STRC: variants seen among roughly 807,000 people sequenced by gnomAD.
STRC encodes the protein stereocilin.
In STRC, 43 loss-of-function variants were observed where a neutral mutation model predicts 103.5. The ratio of observed to expected loss-of-function variants is 0.42; its 90% CI spans 0.33 to 0.54. STRC has a LOEUF of 0.54. STRC is among the 20% of genes least tolerant of loss of function. STRC has a pLI of 0.14. For synonymous variants in STRC, 186 were observed against 442.3 expected, an observed-to-expected ratio of 0.42 and a Z score of 7.27; for missense variants, 499 against 1,088.5, an observed-to-expected ratio of 0.46 and a Z score of 7.62.
chr15:43,600,387 A>G (rs2085655380), intron 26 of STRC, 94 bp from the exon 27 acceptor site: 6 of 1,189,648 alleles, frequency 5.0e-6, no homozygotes, highest in Non-Finnish European at 7.3e-6. Flanking sequence ...AAAGTGCCCT[A>G]TCATAGACCT....
In STRC at chr15:43,603,984, G is replaced by C; in HGVS notation, c.4375+12C>G. 1 of 1,612,728 alleles carries C rather than the reference G, an allele frequency of 6.2e-7. No individual in the cohort carries two copies. Among genetic ancestry groups the C allele is most frequent in the Non-Finnish European group, 8.5e-7 (1 of 1,179,516 alleles). Reference sequence around the variant, plus strand: ...CATCCTGCTGGACATATAAGTATTTGGGTAGTTTCACCTGGAAGATCCTCA... The same window carrying C: ...CATCCTGCTGGACATATAAGTATTTCGGTAGTTTCACCTGGAAGATCCTCA... On this transcript the variant is annotated intron_variant, in intron 22 of 28. Transcript: ENST00000450892.
intron 19 of STRC, 132 bp downstream of exon 19, chr15:43,605,132 C>T: frequency 6.5e-7 from 1 of 1,536,732 alleles, no homozygotes. Context: ...AGGGGCCAGG[C>T]CTTGTAGACA....
rs965709421 is a variant in STRC, at chr15:43,601,314, T to A, written c.4701+82A>T. 4 of 1,598,156 alleles carry A rather than the reference T, an allele frequency of 2.5e-6. No homozygotes were observed. The Admixed American group carries it at 6.7e-5, about 27-fold the overall frequency. ...ACCAGGTAGGGTCACAGGAAAAAAATTCCTTGGGCTTTAGATGATCTATAG... is the reference window on the plus strand; with the variant it reads ...ACCAGGTAGGGTCACAGGAAAAAAAATCCTTGGGCTTTAGATGATCTATAG... On this transcript the variant is annotated intron_variant, in intron 24 of 28. Coordinates refer to ENST00000450892, the MANE Select transcript of STRC (RefSeq NM_153700.2).
chr15:43,611,010 G>C (rs749369461), intron 13 of STRC, 26 bp from the exon 14 acceptor site: 1 of 1,610,692 alleles, frequency 6.2e-7, no homozygotes, highest in Non-Finnish European at 8.5e-7. Flanking sequence ...TTGTGTGTGT[G>C]TGTGTGTGTG....
In STRC at chr15:43,600,877, C is replaced by G. The variant is rs776251331; in HGVS notation, c.4839G>C (p.Glu1613Asp). Residue 1613 changes from glutamate (E) to aspartate (D), a missense_variant, in exon 25 of 29, where the codon GAG becomes GAC. Transcript: ENST00000450892. ...TCAGCCCCTTCACAAATGACCTGAACTCCCAACTGCTGATGTGCTGGAGCT... is the reference window on the plus strand; with the variant it reads ...TCAGCCCCTTCACAAATGACCTGAAGTCCCAACTGCTGATGTGCTGGAGCT... ...PEELQHISSWEFSQAALFLGT... is the reference protein window; with the variant it reads ...PEELQHISSWDFSQAALFLGT... 1 of 1,613,358 alleles carries G rather than the reference C, an allele frequency of 6.2e-7. No individual in the cohort carries two copies. The highest frequency in any genetic ancestry group is 1.3e-5 in the African/African-American group (1 of 74,722).
intron 15 of STRC, 140 bp from the exon 16 acceptor site, chr15:43,609,474 A>C: frequency 1.4e-6 from 1 of 728,894 alleles, no homozygotes; most frequent in Non-Finnish European, 2.4e-6. Flanking sequence ...ACTCTCCCAG[A>C]TGCCCACTCT....
chr15:43,603,575 A>G (rs1328194672), intron 22 of STRC, 164 bp from the exon 23 acceptor site: 7 of 800,188 alleles, frequency 8.7e-6, no homozygotes, highest in Non-Finnish European at 1.3e-5. Context: ...TTAGGAGATA[A>G]TAGAACAAGA....
chr15:43,601,490 A>G lies in STRC; in HGVS notation c.4607T>C (p.Ile1536Thr). ...EQILQLGRLL[I>T]GLGDRELQEL... ...CTGTAGTTCCCGATCTCCTAGACCT[A>G]TTAAGAGCCTACCAAGCTGCAGGAT... is the stretch of plus-strand genomic sequence containing the variant. The change falls in exon 24 of 29, where the codon ATA becomes ACA. Residue 1536 changes from isoleucine to threonine, a missense_variant. By Grantham distance (89) the Ile-to-Thr change is moderately conservative. Coordinates refer to ENST00000450892, the MANE Select transcript of STRC (RefSeq NM_153700.2). 1 of 1,613,792 alleles carries G rather than the reference A, an allele frequency of 6.2e-7. No homozygotes were observed. The highest frequency in any genetic ancestry group is 8.5e-7 in the Non-Finnish European group (1 of 1,179,856).
In STRC at chr15:43,604,414, C is replaced by T. The variant is rs1267115239; in HGVS notation, c.4165G>A (p.Ala1389Thr). 3 of 1,586,384 alleles carry T rather than the reference C, an allele frequency of 1.9e-6. No homozygotes were observed. The highest frequency in any genetic ancestry group is 2.6e-6 in the Non-Finnish European group (3 of 1,163,086). Residue 1389 changes from alanine to threonine, a missense_variant, in exon 21 of 29, where the codon GCT becomes ACT. Transcript: ENST00000450892. ...ELWSQDEVEQAGRLVFTLSTE... is the reference protein window; with the variant it reads ...ELWSQDEVEQTGRLVFTLSTE... ...GACAGAGTGAATACTAGGCGTCCAGCTTGCTCTACTTCATCCTGGCTCCAC... is the reference window on the plus strand; with the variant it reads ...GACAGAGTGAATACTAGGCGTCCAGTTTGCTCTACTTCATCCTGGCTCCAC...
At position 43,604,735 on chromosome 15, in the gene STRC, G is replaced by A. The variant is rs776460714; in HGVS notation, c.4042C>T (p.His1348Tyr). The A allele has an allele frequency of 8.1e-6, 13 of 1,613,538 alleles. No individual in the cohort carries two copies. The Admixed American group carries it at 1.2e-4, about 14-fold the overall frequency. Residue 1348 changes from histidine to tyrosine, a missense_variant, in exon 20 of 29, where the codon CAT becomes TAT. His to Tyr is a moderately conservative substitution (Grantham distance 83). Coordinates refer to ENST00000450892, the MANE Select transcript of STRC (RefSeq NM_153700.2). Reference sequence around the variant, plus strand: ...CAGAAGCCTTGCAGCTGACTGAGATGGGACAGCAGGATCTGTAGGGGGATC... The same window carrying A: ...CAGAAGCCTTGCAGCTGACTGAGATAGGACAGCAGGATCTGTAGGGGGATC... ...RQIPLQILLS[H>Y]LSQLQGFCLG...
chr15:43,600,677 G>T lies in STRC; in HGVS notation c.4850C>A (p.Ala1617Glu). 1 of 1,613,538 alleles carries T rather than the reference G, an allele frequency of 6.2e-7. No individual in the cohort carries two copies. The highest frequency in any genetic ancestry group is 8.5e-7 in the Non-Finnish European group (1 of 1,179,802). ...QHISSWEFSQ[A>E]ALFLGTLHLQ... Reference sequence around the variant, plus strand: ...ATGCAGGGTGCCGAGGAAGAGAGCTGCTTGGCTGTAGAACAGTAGGAAGGA... The same window carrying T: ...ATGCAGGGTGCCGAGGAAGAGAGCTTCTTGGCTGTAGAACAGTAGGAAGGA... The change falls in exon 26 of 29, where the codon GCA becomes GAA. Residue 1617 changes from alanine (A) to glutamate (E), a missense_variant. Ala to Glu is a moderately radical substitution (Grantham distance 107, BLOSUM62 -1). Transcript: ENST00000450892.
rs201290343 is a variant in STRC, at chr15:43,600,946, A to G, written c.4770T>C (p.His1590=). 6.5e-5 allele frequency: 102 copies of G among 1,573,200 alleles called. 1 individual carries two copies. The highest frequency in any genetic ancestry group is 8.5e-5 in the Non-Finnish European group (98 of 1,156,896). ...AGAGAGTATAACCCAGCGCTGTCAGATGAACGAAGTCCAGGTGGCTCACAT... is the reference window on the plus strand; with the variant it reads ...AGAGAGTATAACCCAGCGCTGTCAGGTGAACGAAGTCCAGGTGGCTCACAT... ...GRHVSHLDFV[H]LTALGYTLCG... Residue 1590 remains histidine (H), a synonymous_variant, in exon 25 of 29, where the codon CAT becomes CAC. Coordinates refer to ENST00000450892, the MANE Select transcript of STRC (RefSeq NM_153700.2).
chr15:43,604,378 T>C lies in STRC; in HGVS notation c.4201A>G (p.Ile1401Val). ...RLVFTLSTEA[I>V]SLIPREALGP... ...CATCTCACCCTGGGGATCAAGGAAA[T>C]TGCCTCAGTAGACAGAGTGAATACT... The change falls in exon 21 of 29, where the codon ATT (isoleucine) becomes GTT (valine). Residue 1401 changes from isoleucine (I) to valine (V), a missense_variant. Physicochemically the swap from Ile to Val is conservative, Grantham distance 29 (BLOSUM62 3). Transcript: ENST00000450892. The C allele has an allele frequency of 6.3e-7, 1 of 1,577,982 alleles. No individual in the cohort carries two copies. The highest frequency in any genetic ancestry group is 8.6e-7 in the Non-Finnish European group (1 of 1,158,008).
intron 16 of STRC, among the ~76,000 whole-genome samples, chr15:43,608,977 T>C (rs993098234): frequency 8.0e-5 from 12 of 149,382 alleles, no homozygotes; most frequent in Non-Finnish European, 1.3e-4. Context: ...GTAATTCTCA[T>C]TTAAAGAAGG....
chr15:43,600,724 G>C lies in STRC; in HGVS notation c.4845-42C>G, dbSNP rs776304785. ...AGGAAGGAAGAAGAATTCGGCTTCA[G>C]TGAAAGGGGCTGTGGTCATGAGACA... On this transcript the variant is annotated intron_variant, in intron 25 of 28. Coordinates refer to ENST00000450892, the MANE Select transcript of STRC (RefSeq NM_153700.2). 3.3e-5 allele frequency: 54 copies of C among 1,612,978 alleles called. 1 individual carries two copies. Among genetic ancestry groups the C allele is most frequent in the Non-Finnish European group, 4.6e-5 (54 of 1,179,490 alleles).
At position 43,604,090 on chromosome 15, in the gene STRC, G is replaced by C. The variant is rs145658933; in HGVS notation, c.4281C>G (p.Ser1427Arg). 200 of 1,613,130 alleles carry C rather than the reference G, an allele frequency of 1.2e-4. 1 individual carries two copies. Among genetic ancestry groups the C allele is most frequent in the Non-Finnish European group, 1.5e-4 (182 of 1,179,620 alleles). ...LLEKQQSWEQ[S>R]RVGQLCREPQ... ...GCTCCCTACACAGCTGTCCAACTCTGCTCTGCTCCCAGCTCTGCTGCTTTT... is the reference window on the plus strand; with the variant it reads ...GCTCCCTACACAGCTGTCCAACTCTCCTCTGCTCCCAGCTCTGCTGCTTTT... Residue 1427 changes from serine (S) to arginine (R), a missense_variant, in exon 22 of 29, where the codon AGC becomes AGG. By Grantham distance (110) the Ser-to-Arg change is moderately radical. Coordinates refer to ENST00000450892, the MANE Select transcript of STRC (RefSeq NM_153700.2).
Position 43,604,295 on chromosome 15 carries a change from G to A in STRC, c.4218+66C>T, listed in dbSNP as rs529043400. 3.3e-4 allele frequency: 527 copies of A among 1,590,886 alleles called. 7 individuals are homozygous for A. Among genetic ancestry groups the A allele is most frequent in the Non-Finnish European group, 4.0e-4 (470 of 1,166,028 alleles). On this transcript the variant is annotated intron_variant, in intron 21 of 28. Coordinates refer to ENST00000450892, the MANE Select transcript of STRC (RefSeq NM_153700.2). The stretch of plus-strand genomic sequence containing the variant: ...TATCCTTTGCCCTCTTTGGCCACGG[G>A]TCCCCATAACCAGCTCACCAGTCCC...
intron 23 of STRC, among the ~76,000 whole-genome samples, chr15:43,603,012 G>C (rs534499982): frequency 1.3e-5 from 2 of 151,786 alleles, no homozygotes; most frequent in South Asian, 2.1e-4. Flanking sequence ...CTTGATGATC[G>C]TGATATGCAT....
Position 43,603,298 on chromosome 15 carries a change from C to T in STRC, c.4489G>A (p.Gly1497Arg). The change falls in exon 23 of 29, where the codon GGA becomes AGA. Residue 1497 changes from glycine (G) to arginine (R), a missense_variant. Physicochemically the swap from Gly to Arg is moderately radical, Grantham distance 125. Coordinates refer to ENST00000450892, the MANE Select transcript of STRC (RefSeq NM_153700.2). ...DFEDCLTLFA[G>R]DPGLGPEELR... The stretch of plus-strand genomic sequence containing the variant: ...TCCTCAGGCCCAAGTCCTGGGTCTC[C>T]TGCAAATAATGTCAGGCAGTCCTCA... 6.2e-7 allele frequency: 1 copy of T among 1,613,860 alleles called. No homozygotes were observed. The highest frequency in any genetic ancestry group is 2.2e-5 in the East Asian group (1 of 44,870).
Sources: gnomAD v4.1 joint callset for allele counts (sites outside exome capture counted in the v4.1 genomes callset) on GRCh38, gnomAD v4.1.1 for gene constraint, MANE v1.5 for transcripts, NCBI Gene and HGNC (gene_info 2026-07-23, HGNC 2026-07-21) for gene names.